Variants in ZNF614 observed in about 807,000 individuals in gnomAD.
ZNF614 encodes the protein zinc finger protein 614.
In ZNF614, 11 loss-of-function variants were observed where a neutral mutation model predicts 12.8. That is an observed-to-expected ratio of 0.86 (90% CI 0.54 to 1.43). The LOEUF (loss-of-function observed/expected upper bound fraction) is 1.43, where lower values mean the gene tolerates loss of function less well. Among genes scored for constraint, ZNF614 ranks in the 40% most tolerant of loss-of-function variants. The probability of loss-of-function intolerance (pLI) is 0.00; values close to 1 mark genes in which losing one functional copy is unlikely to be tolerated. For synonymous variants in ZNF614, 237 were observed against 237.5 expected, an observed-to-expected ratio of 1.00 and a Z score of 0.02; for missense variants, 664 against 708.8, an observed-to-expected ratio of 0.94 and a Z score of 0.72.
intron 2 of ZNF614, among the ~76,000 whole-genome samples, chr19:52,023,708 A>T (rs912665086): frequency 6.6e-6 from 1 of 152,180 alleles, no homozygotes; most frequent in Admixed American, 6.5e-5. Flanking sequence ...AAATATACTT[A>T]TCCGTGTCAC....
intron 2 of ZNF614, among the ~76,000 whole-genome samples, chr19:52,019,346 G>A (rs2086920605): frequency 6.6e-6 from 1 of 152,198 alleles, no homozygotes; most frequent in Non-Finnish European, 1.5e-5. Flanking sequence ...GCAAGACCTA[G>A]TGTATGCCCA....
Position 52,014,267 on chromosome 19 carries a change from T to C in ZNF614, c.*1573A>G, listed in dbSNP as rs8111873. The C allele has an allele frequency of 0.33, 50,881 of 151,988 alleles. 8,970 individuals carry two copies. The highest frequency in any genetic ancestry group is 0.56 in the South Asian group (2,689 of 4,822). The allele number at this position is 151,988 out of a possible 1,614,324, so 9.4% of individuals were successfully genotyped here. On this transcript the variant is annotated 3_prime_UTR_variant, in exon 5 of 5. Coordinates refer to ENST00000270649, the MANE Select transcript of ZNF614 (RefSeq NM_025040.4). The stretch of plus-strand genomic sequence containing the variant: ...CAATTCTGAACAACTGGGTGTTCTA[T>C]AATTCAATTCTGACACTAACTTCTC...
intron 2 of ZNF614, among the ~76,000 whole-genome samples, chr19:52,021,293 C>T (rs949363002): frequency 3.3e-5 from 5 of 152,132 alleles, no homozygotes; most frequent in Non-Finnish European, 7.4e-5. Flanking sequence ...TTGACGACAA[C>T]CCCCATGAGA....
In ZNF614 at chr19:52,015,654, T is replaced by A. The variant is rs972590546; in HGVS notation, c.*186A>T. On this transcript the variant is annotated 3_prime_UTR_variant, in exon 5 of 5. Transcript: ENST00000270649. ...ACTAAAGGCACTACCTTATTTACTG[T>A]ATTCATCAAATTGATCTCTAGGGCA... 2.2e-5 allele frequency: 13 copies of A among 579,392 alleles called. No homozygotes were observed. The highest frequency in any genetic ancestry group is 2.0e-4 in the African/African-American group (11 of 53,702). 35.9% of individuals were successfully genotyped at this position (579,392 alleles called of 1,614,324 possible). A position where few individuals can be genotyped will look rare whatever the true frequency, so the allele number is the denominator to read the frequency against.
chr19:52,022,995 G>A (rs1445497967), intron 2 of ZNF614, among the ~76,000 whole-genome samples: 1 of 149,532 alleles, frequency 6.7e-6, no homozygotes, highest in Admixed American at 6.7e-5. Context: ...CAGGAGAATG[G>A]CATGAATCCG....
rs375760839 is a variant in ZNF614, at chr19:52,016,120, G to A, written c.1478C>T (p.Ser493Leu). 2.5e-6 allele frequency: 4 copies of A among 1,614,050 alleles called. No individual in the cohort carries two copies. The highest frequency in any genetic ancestry group is 3.4e-6 in the Non-Finnish European group (4 of 1,180,020). ...ATGGGTAATGAGGCCATATTTGTGT[G>A]AATAGGATTTTCCGCACTCGGTACA... is the stretch of plus-strand genomic sequence containing the variant. The part of the protein sequence containing the change: ...FVCTECGKSY[S>L]HKYGLITHQR... The change falls in exon 5 of 5, where the codon TCA (serine) becomes TTA (leucine). Residue 493 changes from serine to leucine, a missense_variant. By Grantham distance (145) the Ser-to-Leu change is moderately radical. Transcript: ENST00000270649.
rs1355751407 is a variant in ZNF614 at position 52,016,205 on chromosome 19, T to G, written c.1393A>C (p.Ser465Arg). ...TGTTGTATGAGGCATATTTTCTGGC[T>G]GAAGGCTTTACCACATTCATTGCAT... Reference protein sequence around the residue: ...YECNECGKAFSQKICLIQHER... With the variant: ...YECNECGKAFRQKICLIQHER... Residue 465 changes from serine to arginine, a missense_variant, in exon 5 of 5, where the codon AGC becomes CGC. By Grantham distance (110) the Ser-to-Arg change is moderately radical. Transcript: ENST00000270649. 6.2e-7 allele frequency: 1 copy of G among 1,614,112 alleles called. No individual in the cohort carries two copies. Among genetic ancestry groups the G allele is most frequent in the African/African-American group, 1.3e-5 (1 of 74,938 alleles).
Position 52,025,713 on chromosome 19 carries a change from T to G in ZNF614, c.15+18A>C. On this transcript the variant is annotated intron_variant, in intron 2 of 4. Coordinates refer to ENST00000270649, the MANE Select transcript of ZNF614 (RefSeq NM_025040.4). ...AGGCCACCATAAATCTATCAAAAAA[T>G]CAAAGGGAAAATATCACCTGGGTCT... 1 of 1,613,804 alleles carries G rather than the reference T, an allele frequency of 6.2e-7. No individual in the cohort carries two copies.
At chr19:52,018,585 G>A in intron 2 of ZNF614, 91 bp from the exon 3 acceptor site, 1 of 1,312,278 alleles carries the variant, frequency 7.6e-7, no homozygotes, top group Non-Finnish European at 1.0e-6. Flanking sequence ...TCACAATACA[G>A]CCTGCATCTA....
chr19:52,017,472 G>A (rs1043290442), intron 4 of ZNF614, 113 bp from the exon 5 acceptor site: 6 of 961,348 alleles, frequency 6.2e-6, no homozygotes, highest in Admixed American at 2.9e-5. Flanking sequence ...GGGAGGCTGA[G>A]GCGGGCAGAT....
Position 52,015,890 on chromosome 19 carries a change from G to A in ZNF614, c.1708C>T (p.Gln570Ter), listed in dbSNP as rs767587556. Residue 570 changes from glutamine to a stop codon, truncating the protein, a stop_gained, in exon 5 of 5, where the codon CAA becomes TAA. Transcript: ENST00000270649. LOFTEE classifies it low-confidence loss of function (END_TRUNC). ...MHTREMGRIS[Q>*]VENSCNGESQ... Reference sequence around the variant, plus strand: ...TCTCCATTACAGGAGTTTTCAACTTGACTGATTCTACCCATTTCTCTTGTG... The same window carrying A: ...TCTCCATTACAGGAGTTTTCAACTTAACTGATTCTACCCATTTCTCTTGTG... 2.5e-6 allele frequency: 4 copies of A among 1,614,004 alleles called. No homozygotes were observed. In the South Asian group the frequency reaches 3.3e-5, roughly 13 times the overall value.
intron 2 of ZNF614, among the ~76,000 whole-genome samples, chr19:52,022,843 G>A (rs898611005): frequency 9.2e-5 from 14 of 151,998 alleles, no homozygotes; most frequent in African/African-American, 3.4e-4. Flanking sequence ...AAGAGGGTGT[G>A]CCAAGCTTCC....
Position 52,015,838 on chromosome 19 carries a change from G to A in ZNF614, c.*2C>T, listed in dbSNP as rs2086892320. 1.2e-6 allele frequency: 2 copies of A among 1,600,510 alleles called. No homozygotes were observed. The highest frequency in any genetic ancestry group is 1.7e-6 in the Non-Finnish European group (2 of 1,173,318). Reference sequence around the variant, plus strand: ...ACTAGTAGGGTTTTCTTCTGCATGAGTTCACTTATAAGGAAGGAGCTGTGA... The same window carrying A: ...ACTAGTAGGGTTTTCTTCTGCATGAATTCACTTATAAGGAAGGAGCTGTGA... On this transcript the variant is annotated 3_prime_UTR_variant, in exon 5 of 5. Coordinates refer to ENST00000270649, the MANE Select transcript of ZNF614 (RefSeq NM_025040.4).
intron 1 of ZNF614, among the ~76,000 whole-genome samples, 167 bp downstream of exon 1, chr19:52,028,075 C>T (rs941771293): frequency 1.4e-4 from 22 of 152,240 alleles, no homozygotes; most frequent in Non-Finnish European, 4.4e-5. Context: ...CAGAGTCGGA[C>T]TCGTCGCTGA....
Position 52,016,037 on chromosome 19 carries a change from T to G in ZNF614, c.1561A>C (p.Thr521Pro), listed in dbSNP as rs2086894100. The change falls in exon 5 of 5, where the codon ACC (threonine) becomes CCC (proline). Residue 521 changes from threonine to proline, a missense_variant. Physicochemically the swap from Thr to Pro is conservative, Grantham distance 38. Coordinates refer to ENST00000270649, the MANE Select transcript of ZNF614 (RefSeq NM_025040.4). ...YECNECGKAF[T>P]TKSVLNVHQR... The stretch of plus-strand genomic sequence containing the variant: ...TGTACATTGAGTACTGACTTTGTGG[T>G]GAAGGCTTTTCCACATTCATTGCAC... 5 of 1,614,222 alleles carry G rather than the reference T, an allele frequency of 3.1e-6. No individual in the cohort carries two copies. The highest frequency in any genetic ancestry group is 4.2e-6 in the Non-Finnish European group (5 of 1,180,022).
In ZNF614 at chr19:52,016,007, T is replaced by C. The variant is rs994457280; in HGVS notation, c.1591A>G (p.Arg531Gly). The C allele has an allele frequency of 3.1e-6, 5 of 1,614,204 alleles. No individual in the cohort carries two copies. The highest frequency in any genetic ancestry group is 4.2e-6 in the Non-Finnish European group (5 of 1,180,024). Residue 531 changes from arginine to glycine, a missense_variant, in exon 5 of 5, where the codon AGA becomes GGA. Coordinates refer to ENST00000270649, the MANE Select transcript of ZNF614 (RefSeq NM_025040.4). The stretch of plus-strand genomic sequence containing the variant: ...TACGGCCTCTCTCCTGTATGCGTTC[T>C]TTGATGTACATTGAGTACTGACTTT... Reference protein sequence around the residue: ...TTKSVLNVHQRTHTGERPYGC... With the variant: ...TTKSVLNVHQGTHTGERPYGC...
chr19:52,016,755 A>T lies in ZNF614; in HGVS notation c.843T>A (p.His281Gln), dbSNP rs2086900700. 1.9e-6 allele frequency: 3 copies of T among 1,614,082 alleles called. No individual in the cohort carries two copies. The South Asian group carries it at 3.3e-5, about 18-fold the overall frequency. The part of the protein sequence containing the change: ...KSSLITHQQT[H>Q]TEEKSYMCSE... ...TGCACATATAGGATTTCTCTTCTGT[A>T]TGGGTTTGTTGATGTGTAATGAGAC... Residue 281 changes from histidine to glutamine, a missense_variant, in exon 5 of 5, where the codon CAT becomes CAA. His to Gln is a conservative substitution (Grantham distance 24). Coordinates refer to ENST00000270649, the MANE Select transcript of ZNF614 (RefSeq NM_025040.4).
At position 52,015,913 on chromosome 19, in the gene ZNF614, G is replaced by A. The variant is rs2086892985; in HGVS notation, c.1685C>T (p.Thr562Ile). Residue 562 changes from threonine to isoleucine, a missense_variant, in exon 5 of 5, where the codon ACA becomes ATA. Thr to Ile is a moderately conservative substitution (Grantham distance 89, BLOSUM62 -1). Coordinates refer to ENST00000270649, the MANE Select transcript of ZNF614 (RefSeq NM_025040.4). ...TTGACTGATTCTACCCATTTCTCTT[G>A]TGTGCATTTTCTTATGTTTGACAAG... ...SNLVKHKKMH[T>I]REMGRISQVE... is the part of the protein sequence containing the mutation. 2 of 1,614,134 alleles carry A rather than the reference G, an allele frequency of 1.2e-6. No homozygotes were observed. The highest frequency in any genetic ancestry group is 1.7e-6 in the Non-Finnish European group (2 of 1,180,020).
rs2086888921 is a variant in ZNF614, at chr19:52,015,203, G to A, written c.*637C>T. On this transcript the variant is annotated 3_prime_UTR_variant, in exon 5 of 5. Coordinates refer to ENST00000270649, the MANE Select transcript of ZNF614 (RefSeq NM_025040.4). Reference sequence around the variant, plus strand: ...ACATTTCATGCCTTCATGAGCTGTTGATAGTTTGCTAAAGGTGTTCCACAT... The same window carrying A: ...ACATTTCATGCCTTCATGAGCTGTTAATAGTTTGCTAAAGGTGTTCCACAT... 1 of 152,238 alleles carries A rather than the reference G, an allele frequency of 6.6e-6. No individual in the cohort carries two copies. Among genetic ancestry groups the A allele is most frequent in the Non-Finnish European group, 1.5e-5 (1 of 68,080 alleles). 9.4% of individuals were successfully genotyped at this position (152,238 alleles called of 1,614,324 possible). A position where few individuals can be genotyped will look rare whatever the true frequency, so the allele number is the denominator to read the frequency against.
Sources: allele counts gnomAD v4.1 joint callset (sites outside exome capture counted in the v4.1 genomes callset), GRCh38; gene constraint gnomAD v4.1.1; transcripts MANE v1.5; gene names NCBI Gene and HGNC (gene_info 2026-07-23, HGNC 2026-07-21).